The following TNFSF8 variants were observed in gnomAD, a reference collection of about 807,000 sequenced individuals.
TNFSF8 encodes the protein TNF superfamily member 8.
Under a neutral mutation model 22.0 loss-of-function variants are expected in TNFSF8, and 4 were observed. That is an observed-to-expected ratio of 0.18 (90% CI 0.09 to 0.42). The LOEUF (loss-of-function observed/expected upper bound fraction) is 0.42. Ranked by LOEUF, TNFSF8 falls within the 10% of genes least tolerant of loss-of-function variation. The probability of loss-of-function intolerance (pLI) is 1.00; values close to 1 mark genes in which losing one functional copy is unlikely to be tolerated. For synonymous variants in TNFSF8, 106 were observed against 112.5 expected, an observed-to-expected ratio of 0.94 and a Z score of 0.37; for missense variants, 233 against 281.8, an observed-to-expected ratio of 0.83 and a Z score of 1.24.
At chr9:114,913,228 A>G (rs1827873998) in intron 2 of TNFSF8, among the ~76,000 whole-genome samples, 1 of 152,096 alleles carries the variant, frequency 6.6e-6, no homozygotes, top group South Asian at 2.1e-4. Flanking sequence ...AGGTCTATCC[A>G]CTGTTCCAAC....
At chr9:114,895,910 T>C (rs748154240) in intron 4 of TNFSF8, among the ~76,000 whole-genome samples, 9 of 152,232 alleles carry the variant, frequency 5.9e-5, no homozygotes, top group African/African-American at 2.2e-4. Flanking sequence ...GTCCAGATTA[T>C]TCCTAGTGTT....
In TNFSF8 at chr9:114,914,502, G is replaced by A. The variant is rs530286918; in HGVS notation, c.238+3594C>T. On this transcript the variant is annotated intron_variant, in intron 2 of 3. Transcript: ENST00000223795. ...GCAGAAAAGTGAAACAAGGAGTGATGAGGAGAAGGATGAGCTTCACTCTCT... is the reference window on the plus strand; with the variant it reads ...GCAGAAAAGTGAAACAAGGAGTGATAAGGAGAAGGATGAGCTTCACTCTCT... Among the ~76,000 whole-genome samples the A allele has an allele frequency of 5.3e-5, 8 of 152,310 alleles. No individual in the cohort carries two copies. The South Asian group carries it at 1.7e-3, about 32-fold the overall frequency.
intron 1 of TNFSF8, among the ~76,000 whole-genome samples, chr9:114,923,522 C>CTTTTTTTTTT (rs1554778310): frequency 1.1e-5 from 1 of 89,770 alleles, no homozygotes; most frequent in Non-Finnish European, 2.1e-5. Context: ...TTCTTTCTTT[C>CTTTTTTTTTT]TTTTTTTTTT....
At chr9:114,893,942 T>A (rs1185205786) in exon 5 of TNFSF8, 2 of 680,676 alleles carry the variant, frequency 2.9e-6, no homozygotes, top group East Asian at 2.8e-5. Flanking sequence ...ATTCTGTTTG[T>A]GGGGGGTGAA....
At chr9:114,916,271 C>T (rs1827917653) in intron 2 of TNFSF8, among the ~76,000 whole-genome samples, 1 of 152,140 alleles carries the variant, frequency 6.6e-6, no homozygotes, top group South Asian at 2.1e-4. Flanking sequence ...AAGGGGGCTA[C>T]CGTGTCCTTA....
chr9:114,929,638 G>T (rs1041516319), intron 1 of TNFSF8, among the ~76,000 whole-genome samples: 5 of 151,986 alleles, frequency 3.3e-5, no homozygotes, highest in African/African-American at 1.2e-4. Context: ...TGAAGTCCTT[G>T]AAGACATGAT....
chr9:114,902,470 G>A lies in TNFSF8; in HGVS notation c.*1461C>T, dbSNP rs3181375. 9,086 of 985,308 alleles carry A rather than the reference G, an allele frequency of 9.2e-3. 661 individuals are homozygous for A. The African/African-American group carries it at 0.15, about 16-fold the overall frequency. The allele number at this position is 985,308 out of a possible 1,614,324, so 61.0% of individuals were successfully genotyped here. ...TGCTCAATTATTGTCAATCTAACTG[G>A]AATAGAGTCAGGCCTCGTCAGATGG... On this transcript the variant is annotated 3_prime_UTR_variant, in exon 4 of 4. Coordinates refer to ENST00000223795, the MANE Select transcript of TNFSF8 (RefSeq NM_001244.4).
chr9:114,915,501 A>G (rs1215039431), intron 2 of TNFSF8, among the ~76,000 whole-genome samples: 1 of 152,134 alleles, frequency 6.6e-6, no homozygotes, highest in Non-Finnish European at 1.5e-5. Context: ...ATTAAAAGCA[A>G]GAGAAAGTCA....
At chr9:114,920,977 G>A (rs901645068) in intron 1 of TNFSF8, among the ~76,000 whole-genome samples, 2 of 152,152 alleles carry the variant, frequency 1.3e-5, no homozygotes, top group African/African-American at 4.8e-5. Context: ...CCAACATTCT[G>A]TATTTCTGGC....
intron 1 of TNFSF8, among the ~76,000 whole-genome samples, chr9:114,921,578 G>C (rs1827988031): frequency 6.6e-6 from 1 of 152,222 alleles, no homozygotes; most frequent in Non-Finnish European, 1.5e-5. Flanking sequence ...TTGAAATTCA[G>C]TGAAGACTGT....
At chr9:114,928,229 A>C (rs1828087542) in intron 1 of TNFSF8, among the ~76,000 whole-genome samples, 1 of 152,196 alleles carries the variant, frequency 6.6e-6, no homozygotes, top group South Asian at 2.1e-4. Context: ...TAAAGCTCCC[A>C]AGAGAAGAGT....
downstream of TNFSF8, among the ~76,000 whole-genome samples, chr9:114,897,724 G>A (rs563090206): frequency 6.6e-6 from 1 of 152,312 alleles, no homozygotes; most frequent in South Asian, 2.1e-4. Flanking sequence ...GAAGATTGGA[G>A]GAACTGGAAG....
chr9:114,914,764 A>G (rs1488124161), intron 2 of TNFSF8, among the ~76,000 whole-genome samples: 2 of 151,984 alleles, frequency 1.3e-5, no homozygotes, highest in Non-Finnish European at 2.9e-5. Context: ...TGTGGGGGAA[A>G]GGTTCTCCTC....
chr9:114,895,470 A>G (rs948343974), intron 4 of TNFSF8, among the ~76,000 whole-genome samples: 1 of 152,188 alleles, frequency 6.6e-6, no homozygotes, highest in Non-Finnish European at 1.5e-5. Flanking sequence ...TTGTTGATCC[A>G]ATGGCTGGCT....
In TNFSF8 at chr9:114,902,399, T is replaced by G; in HGVS notation, c.*1532A>C. The G allele has an allele frequency of 1.0e-6, 1 of 985,440 alleles. No individual in the cohort carries two copies. 61.0% of individuals were successfully genotyped at this position (985,440 alleles called of 1,614,324 possible). On this transcript the variant is annotated 3_prime_UTR_variant, in exon 4 of 4. Coordinates refer to ENST00000223795, the MANE Select transcript of TNFSF8 (RefSeq NM_001244.4). ...ACATCACTGTTGCACACTGATTGTT[T>G]GCTAAAGGCACAATGCTTTCCTGAC...
At chr9:114,900,762 G>T (rs1414036305), downstream of TNFSF8, among the ~76,000 whole-genome samples, 1 of 152,144 alleles carries the variant, frequency 6.6e-6, no homozygotes, top group African/African-American at 2.4e-5. Flanking sequence ...TGGGCAGATT[G>T]CTTGAGGTCA....
At chr9:114,918,231 C>T (rs1030645842) in intron 1 of TNFSF8, 93 bp from the exon 2 acceptor site, 1 of 1,144,072 alleles carries the variant, frequency 8.7e-7, no homozygotes, top group Admixed American at 2.7e-5. Context: ...CCTTAAAGTA[C>T]TGTGCAATTT....
intron 1 of TNFSF8, among the ~76,000 whole-genome samples, chr9:114,928,309 A>G (rs1336222080): frequency 6.6e-6 from 1 of 152,276 alleles, no homozygotes; most frequent in Non-Finnish European, 1.5e-5. Context: ...GCATCAAGCA[A>G]TCAAGCAGTA....
Position 114,930,473 on chromosome 9 carries a change from G to C in TNFSF8, c.-170C>G. The stretch of plus-strand genomic sequence containing the variant: ...AAACTCTTCTCTGGGGGCGTGAGGC[G>C]AGAGGCGGCAGCAAGGGTGGGGGAG... On this transcript the variant is annotated 5_prime_UTR_variant, in exon 1 of 4. Transcript: ENST00000223795. 2.1e-6 allele frequency: 1 copy of C among 485,604 alleles called. No individual in the cohort carries two copies. Among genetic ancestry groups the C allele is most frequent in the Non-Finnish European group, 3.4e-6 (1 of 291,590 alleles). 30.1% of individuals were successfully genotyped at this position (485,604 alleles called of 1,614,324 possible).
Sources: allele counts gnomAD v4.1 joint callset (sites outside exome capture counted in the v4.1 genomes callset), GRCh38; gene constraint gnomAD v4.1.1; transcripts MANE v1.5; gene names NCBI Gene and HGNC (gene_info 2026-07-23, HGNC 2026-07-21).